The following FAM13C variants were observed in gnomAD, a reference collection of about 807,000 sequenced individuals.
The protein encoded by FAM13C is protein FAM13C.
FAM13C carries 37 observed loss-of-function variants against 73.2 expected under a neutral mutation model. The observed-to-expected ratio is 0.51, with a 90% confidence interval of 0.39 to 0.67. FAM13C has a LOEUF of 0.67. Ranked by LOEUF, FAM13C falls within the 30% of genes least tolerant of loss-of-function variation. FAM13C has a pLI of 0.00. For missense variants in FAM13C, 589 were observed against 715.6 expected (o/e 0.82, Z 2.02); for synonymous variants, 246 against 260.9 (o/e 0.94, Z 0.55).
intron 10 of FAM13C, among the ~76,000 whole-genome samples, chr10:59,256,553 G>T (rs1186249630): frequency 6.6e-6 from 1 of 152,108 alleles, no homozygotes; most frequent in South Asian, 2.1e-4. Flanking sequence ...TATTATTAAA[G>T]CAATCCCTGA....
chr10:59,329,957 G>A (rs1851749128), intron 3 of FAM13C, among the ~76,000 whole-genome samples: 1 of 152,116 alleles, frequency 6.6e-6, no homozygotes, highest in Non-Finnish European at 1.5e-5. Context: ...TTATACATGA[G>A]GTGCCTTTCT....
At chr10:59,264,738 TCA>T (rs1842849248) in intron 8 of FAM13C, among the ~76,000 whole-genome samples, 1 of 152,056 alleles carries the variant, frequency 6.6e-6, no homozygotes, top group Non-Finnish European at 1.5e-5. Flanking sequence ...TCCCGAGAAG[TCA>T]GTTTGTTAGG....
chr10:59,259,818 A>G (rs979090784), intron 10 of FAM13C, among the ~76,000 whole-genome samples: 6 of 152,126 alleles, frequency 3.9e-5, no homozygotes, highest in Non-Finnish European at 7.4e-5. Context: ...GCATGTGTCT[A>G]TTTGACTTAC....
At chr10:59,269,340 TTAAACA>T (rs1240175237) in intron 7 of FAM13C, among the ~76,000 whole-genome samples, 1 of 151,708 alleles carries the variant, frequency 6.6e-6, no homozygotes, top group Non-Finnish European at 1.5e-5. Context: ...TTTGTGGAAC[TTAAACA>T]TAAACAACAC....
At chr10:59,303,023 C>A (rs750999723) in intron 4 of FAM13C, among the ~76,000 whole-genome samples, 159 bp from the exon 5 acceptor site, 1 of 152,176 alleles carries the variant, frequency 6.6e-6, no homozygotes, top group Non-Finnish European at 1.5e-5. Context: ...CAATGGCCTG[C>A]AGCACATTAT....
chr10:59,315,827 C>T (rs765877097), intron 4 of FAM13C, among the ~76,000 whole-genome samples: 7 of 152,204 alleles, frequency 4.6e-5, no homozygotes, highest in Non-Finnish European at 7.3e-5. Context: ...ATGATTCCAA[C>T]ACATACAGAA....
At chr10:59,319,504 T>C (rs905875952) in intron 4 of FAM13C, among the ~76,000 whole-genome samples, 1 of 152,222 alleles carries the variant, frequency 6.6e-6, no homozygotes, top group East Asian at 1.9e-4. Flanking sequence ...TAAATTTACT[T>C]AGCTTAGTAA....
intron 8 of FAM13C, among the ~76,000 whole-genome samples, chr10:59,265,781 AC>A (rs1843001006): frequency 6.6e-6 from 1 of 152,172 alleles, no homozygotes; most frequent in Non-Finnish European, 1.5e-5. Flanking sequence ...TTATTTCCCT[AC>A]CCTTGAAGAA....
rs1850747408 is a variant in FAM13C at position 59,324,120 on chromosome 10, G to A, written c.325-14C>T. 6.2e-7 allele frequency: 1 copy of A among 1,602,508 alleles called. No homozygotes were observed. The highest frequency in any genetic ancestry group is 1.7e-5 in the Admixed American group (1 of 59,552). Reference sequence around the variant, plus strand: ...ATGCTCTGTCTCCTGCAAGAAGAAAGAGCAAAAGTAGATGAGCTGTCAACA... The same window carrying A: ...ATGCTCTGTCTCCTGCAAGAAGAAAAAGCAAAAGTAGATGAGCTGTCAACA... On this transcript the variant is annotated splice_polypyrimidine_tract_variant and intron_variant, in intron 3 of 13. Coordinates refer to ENST00000618804, the MANE Select transcript of FAM13C (RefSeq NM_198215.4).
intron 4 of FAM13C, among the ~76,000 whole-genome samples, chr10:59,307,145 G>A (rs1848347351): frequency 6.6e-6 from 1 of 152,076 alleles, no homozygotes; most frequent in African/African-American, 2.4e-5. Context: ...GATATTTGAA[G>A]CTTGAGGTGA....
At chr10:59,255,589 GGGAATAGTAGAAATAAC>G (rs1476834603) in intron 10 of FAM13C, among the ~76,000 whole-genome samples, 18 of 152,190 alleles carry the variant, frequency 1.2e-4, no homozygotes, top group African/African-American at 4.1e-4. Context: ...GTAGTGGGAA[GGGAATAGTAGAAATAAC>G]TCATGGAATA....
intron 9 of FAM13C, chr10:59,263,781 C>T (rs986358922): frequency 8.7e-6 from 3 of 344,084 alleles, no homozygotes; most frequent in Non-Finnish European, 1.7e-5. Context: ...CTGTTTCTAA[C>T]ATCCAACAAT....
At chr10:59,338,995 C>T (rs1853131131) in intron 3 of FAM13C, among the ~76,000 whole-genome samples, 1 of 152,176 alleles carries the variant, frequency 6.6e-6, no homozygotes, top group Non-Finnish European at 1.5e-5. Flanking sequence ...GGGCCATGCT[C>T]TCTCCAAAGG....
At chr10:59,252,344 T>C (rs1841474127) in intron 12 of FAM13C, among the ~76,000 whole-genome samples, 1 of 152,122 alleles carries the variant, frequency 6.6e-6, no homozygotes, top group South Asian at 2.1e-4. Flanking sequence ...CAACACCCCT[T>C]GAAAAGTTAG....
At chr10:59,281,633 T>G (rs936580246) in intron 6 of FAM13C, among the ~76,000 whole-genome samples, 3 of 152,240 alleles carry the variant, frequency 2.0e-5, no homozygotes, top group African/African-American at 7.2e-5. Context: ...GCATTGCTAG[T>G]TCCTCCGTGT....
Position 59,355,912 on chromosome 10 carries a change from C to CTGGA in FAM13C, c.93_94insTCCA (p.Asp32SerfsTer5). 6.2e-7 allele frequency: 1 copy of CTGGA among 1,613,992 alleles called. No homozygotes were observed. On this transcript the variant is annotated frameshift_variant, in exon 2 of 14. Coordinates refer to ENST00000618804, the MANE Select transcript of FAM13C (RefSeq NM_198215.4). LOFTEE classifies it high-confidence loss of function. Reference sequence around the variant, plus strand: ...CTGAGACTGGAGCAATCAGTCTGGTCTTCATGTAGAGAGACTGGATCTTCG... The same window carrying CTGGA: ...CTGAGACTGGAGCAATCAGTCTGGTCTGGATTCATGTAGAGAGACTGGATCTTCG...
chr10:59,349,265 C>G (rs1854712545), intron 3 of FAM13C, among the ~76,000 whole-genome samples: 1 of 152,176 alleles, frequency 6.6e-6, no homozygotes, highest in Non-Finnish European at 1.5e-5. Context: ...CTTTAGGCTA[C>G]AGTTTGTGTC....
intron 5 of FAM13C, among the ~76,000 whole-genome samples, chr10:59,295,927 T>C (rs915224780): frequency 6.6e-6 from 1 of 152,194 alleles, no homozygotes; most frequent in Non-Finnish European, 1.5e-5. Flanking sequence ...ATCCTGTTCT[T>C]ATTAAAACCA....
intron 7 of FAM13C, among the ~76,000 whole-genome samples, chr10:59,269,331 T>C (rs967119951): frequency 2.6e-5 from 4 of 151,978 alleles, no homozygotes; most frequent in Non-Finnish European, 2.9e-5. Context: ...TCAAAATTAT[T>C]TGTGGAACTT....
Sources: allele counts gnomAD v4.1 joint callset (sites outside exome capture counted in the v4.1 genomes callset), GRCh38; gene constraint gnomAD v4.1.1; transcripts MANE v1.5; gene names NCBI Gene and HGNC (gene_info 2026-07-23, HGNC 2026-07-21).